SGK1: variants seen among roughly 807,000 people sequenced by gnomAD.
The protein encoded by SGK1 is serine/threonine-protein kinase Sgk1.
SGK1 carries 26 observed loss-of-function variants against 64.2 expected under a neutral mutation model. The observed-to-expected ratio is 0.40, with a 90% CI of 0.30 to 0.56. The LOEUF (loss-of-function observed/expected upper bound fraction) is 0.56. Ranked by LOEUF, SGK1 falls within the 20% of genes least tolerant of loss-of-function variation. SGK1 has a pLI of 0.38. For missense variants in SGK1, 519 were observed against 645.6 expected, an observed-to-expected ratio of 0.80 and a Z score of 2.12; for synonymous variants, 265 against 239.7, an observed-to-expected ratio of 1.11 and a Z score of -0.98.
At chr6:134,288,768 G>A (rs992918161) in intron 1 of SGK1, among the ~76,000 whole-genome samples, 2 of 151,982 alleles carry the variant, frequency 1.3e-5, no homozygotes, top group South Asian at 2.1e-4. Context: ...TTTGTGATAC[G>A]TTTTCTATAC....
chr6:134,232,465 A>AAGAAAGAAAGAAAGAAAGAAAGAAAGAG (rs1776302648), intron 2 of SGK1, among the ~76,000 whole-genome samples: 1 of 58,262 alleles, frequency 1.7e-5, no homozygotes, highest in Non-Finnish European at 4.3e-5. Context: ...GAAAGAAAGA[A>AAGAAAGAAAGAAAGAAAGAAAGAAAGAG]AGAAAGAAAG....
intron 2 of SGK1, among the ~76,000 whole-genome samples, chr6:134,213,306 G>A (rs1422406948): frequency 6.6e-6 from 1 of 152,066 alleles, no homozygotes; most frequent in Non-Finnish European, 1.5e-5. Flanking sequence ...CAGATCTCCT[G>A]AGGTCAGGAG....
intron 2 of SGK1, among the ~76,000 whole-genome samples, chr6:134,210,691 G>T (rs1775873359): frequency 6.6e-6 from 1 of 151,416 alleles, no homozygotes; most frequent in South Asian, 2.1e-4. Context: ...GGGCATGGTG[G>T]CGGGCACCTA....
At chr6:134,307,684 G>A (rs760540307) in intron 1 of SGK1, among the ~76,000 whole-genome samples, 1 of 152,208 alleles carries the variant, frequency 6.6e-6, no homozygotes, top group Non-Finnish European at 1.5e-5. Flanking sequence ...TACGTGTTCA[G>A]TACAGATGAA....
chr6:134,317,670 T>C lies in SGK1; in HGVS notation c.-210A>G, dbSNP rs375031354. 34 of 581,280 alleles carry C rather than the reference T, an allele frequency of 5.8e-5. No individual in the cohort carries two copies. The South Asian group carries it at 7.4e-4, about 13-fold the overall frequency. The allele number at this position is 581,280 out of a possible 1,614,324, so 36.0% of individuals were successfully genotyped here. The stretch of plus-strand genomic sequence containing the variant: ...ACTTTCAGTTGCCACCGACAGCGGC[T>C]TTTCTCCTTCCATCATTGCTCCGAA... On this transcript the variant is annotated 5_prime_UTR_variant, in exon 1 of 14. Transcript: ENST00000367858.
intron 2 of SGK1, chr6:134,259,655 G>A (rs1369380627): frequency 6.6e-6 from 1 of 152,030 alleles, no homozygotes; most frequent in Non-Finnish European, 1.5e-5. Flanking sequence ...TATTATCTAT[G>A]GCTGCTTTCC....
chr6:134,290,335 GA>G (rs1328145916), intron 1 of SGK1, among the ~76,000 whole-genome samples: 1 of 48,910 alleles, frequency 2.0e-5, no homozygotes, highest in African/African-American at 7.6e-5. Context: ...AAAAAAAAAA[GA>G]AAAGAAAAGA....
At chr6:134,197,032 G>A (rs1020321813) in intron 3 of SGK1, among the ~76,000 whole-genome samples, 11 of 151,958 alleles carry the variant, frequency 7.2e-5, no homozygotes, top group African/African-American at 1.9e-4. Flanking sequence ...TAGGAGTTTG[G>A]GACCAGCCTG....
At chr6:134,187,284 CATT>C (rs1331862835) in intron 3 of SGK1, among the ~76,000 whole-genome samples, 1 of 152,146 alleles carries the variant, frequency 6.6e-6, no homozygotes, top group Non-Finnish European at 1.5e-5. Flanking sequence ...TCAATGGAAT[CATT>C]GTTGTGTCTC....
At chr6:134,177,496 GA>G (rs1430524554) in intron 3 of SGK1, among the ~76,000 whole-genome samples, 2 of 152,136 alleles carry the variant, frequency 1.3e-5, no homozygotes, top group Non-Finnish European at 2.9e-5. Flanking sequence ...AGGCTGCCCA[GA>G]AACATCAACC....
At chr6:134,209,386 A>G (rs1775848798) in intron 2 of SGK1, among the ~76,000 whole-genome samples, 1 of 152,180 alleles carries the variant, frequency 6.6e-6, no homozygotes. Flanking sequence ...GTGAGCTGAG[A>G]TCGTGCCACT....
At chr6:134,231,932 A>G (rs1776283575) in intron 2 of SGK1, among the ~76,000 whole-genome samples, 1 of 151,282 alleles carries the variant, frequency 6.6e-6, no homozygotes, top group Admixed American at 6.6e-5. Flanking sequence ...CCAGCTACCC[A>G]GGAGGTTGAG....
chr6:134,170,361 G>C lies in SGK1; in HGVS notation c.1488C>G (p.Ser496=). The change falls in exon 14 of 14, where the codon TCC becomes TCG. Residue 496 remains serine (S), a synonymous_variant. Transcript: ENST00000367858. ...EEPVPNSIGK[S]PDSVLVTASV... is the part of the protein sequence containing the mutation. ...TGGCTGTGACGAGGACGCTGTCAGGGGACTTGCCAATGGAGTTGGGGACAG... is the reference window on the plus strand; with the variant it reads ...TGGCTGTGACGAGGACGCTGTCAGGCGACTTGCCAATGGAGTTGGGGACAG... The C allele has an allele frequency of 6.2e-7, 1 of 1,614,150 alleles. No individual in the cohort carries two copies. Among genetic ancestry groups the C allele is most frequent in the Non-Finnish European group, 8.5e-7 (1 of 1,180,002 alleles).
At chr6:134,236,240 T>C (rs1362880032) in intron 2 of SGK1, among the ~76,000 whole-genome samples, 10 of 152,200 alleles carry the variant, frequency 6.6e-5, no homozygotes. Context: ...TATGACTCAG[T>C]ACTAACACAT....
Position 134,254,962 on chromosome 6 carries a change from G to A in SGK1, c.285+6971C>T, listed in dbSNP as rs146492632. 2.6e-4 allele frequency among the ~76,000 whole-genome samples: 39 copies of A among 152,042 alleles called. No homozygotes were observed. The East Asian group carries it at 6.4e-3, about 25-fold the overall frequency. ...CGGCTCACTGCAACCTCCGCCTCCC[G>A]GGTTCAAGCAATTCTCCAGCCTCAA... is the stretch of plus-strand genomic sequence containing the variant. On this transcript the variant is annotated intron_variant, in intron 2 of 13. Coordinates refer to ENST00000367858, the MANE Select transcript of SGK1 (RefSeq NM_001143676.3).
At position 134,194,647 on chromosome 6, in the gene SGK1, G is replaced by A. The variant is rs143273120; in HGVS notation, c.361+12709C>T. ...AGTGATTCTCCTGCCTCAGTCTCCT[G>A]AGTAGCTGGGATTACAGGCGCACAC... is the stretch of plus-strand genomic sequence containing the variant. On this transcript the variant is annotated intron_variant, in intron 3 of 13. Coordinates refer to ENST00000367858, the MANE Select transcript of SGK1 (RefSeq NM_001143676.3). Among the ~76,000 whole-genome samples the A allele has an allele frequency of 4.8e-3, 733 of 151,458 alleles. 4 individuals are homozygous for A. Among genetic ancestry groups the A allele is most frequent in the African/African-American group, 0.017 (697 of 41,226 alleles).
chr6:134,296,685 T>C (rs1054890169), intron 1 of SGK1, among the ~76,000 whole-genome samples: 7 of 146,802 alleles, frequency 4.8e-5, no homozygotes, highest in Non-Finnish European at 8.9e-5. Context: ...CAGTAAAGGA[T>C]AATTATTGTA....
In SGK1 at chr6:134,203,589, G is replaced by A. The variant is rs544251841; in HGVS notation, c.361+3767C>T. 3.9e-5 allele frequency among the ~76,000 whole-genome samples: 6 copies of A among 152,268 alleles called. No homozygotes were observed. In the East Asian group the frequency reaches 1.2e-3, roughly 29 times the overall value. On this transcript the variant is annotated intron_variant, in intron 3 of 13. Transcript: ENST00000367858. ...TATAAGATAAGCACCTTAACTATAA[G>A]ACACAGGTTGAAAGAAAATGGAAAG... is the stretch of plus-strand genomic sequence containing the variant.
At chr6:134,203,123 A>G (rs1775711999) in intron 3 of SGK1, among the ~76,000 whole-genome samples, 1 of 152,210 alleles carries the variant, frequency 6.6e-6, no homozygotes, top group South Asian at 2.1e-4. Flanking sequence ...ACGTGCCTGT[A>G]ATCCCACTAC....
Sources: allele counts gnomAD v4.1 joint callset (sites outside exome capture counted in the v4.1 genomes callset), GRCh38; gene constraint gnomAD v4.1.1; transcripts MANE v1.5; gene names NCBI Gene and HGNC (gene_info 2026-07-23, HGNC 2026-07-21).